Variants in ADGRL2 observed in about 807,000 individuals in gnomAD.
ADGRL2 encodes the protein calcium-independent alpha-latrotoxin receptor 2.
Under a neutral mutation model 157.4 loss-of-function variants are expected in ADGRL2, and 44 were observed. The observed-to-expected ratio is 0.28, with a 90% confidence interval of 0.22 to 0.36. The LOEUF is 0.36. Among genes scored for constraint, ADGRL2 ranks in the 10% least tolerant of loss-of-function variants. The probability of loss-of-function intolerance (pLI) is 1.00; values close to 1 mark genes in which losing one functional copy is unlikely to be tolerated. For missense variants in ADGRL2, 1,510 were observed against 1,768.9 expected (o/e 0.85, Z 2.63); for synonymous variants, 585 against 624.7 (o/e 0.94, Z 0.95).
Position 81,979,970 on chromosome 1 carries a change from T to C in ADGRL2, c.3113+10T>C, listed in dbSNP as rs775295942. 4 of 1,504,206 alleles carry C rather than the reference T, an allele frequency of 2.7e-6. No homozygotes were observed. The highest frequency in any genetic ancestry group is 3.7e-6 in the Non-Finnish European group (4 of 1,082,262). The allele number at this position is 1,504,206 out of a possible 1,614,324, so 93.2% of individuals were successfully genotyped here. A position where few individuals can be genotyped will look rare whatever the true frequency, so the allele number is the denominator to read the frequency against. On this transcript the variant is annotated intron_variant, in intron 18 of 23. Transcript: ENST00000686636. ...GGTTGGAAAACATTAAGTAAGTATTTTGTATTTTAATTTTAATACTTGACA... is the reference window on the plus strand; with the variant it reads ...GGTTGGAAAACATTAAGTAAGTATTCTGTATTTTAATTTTAATACTTGACA...
intron 3 of ADGRL2, among the ~76,000 whole-genome samples, chr1:81,621,486 G>A (rs1035123558): frequency 3.3e-5 from 5 of 152,214 alleles, no homozygotes; most frequent in African/African-American, 7.2e-5. Context: ...AAAGAGAGGA[G>A]TGCCAAGGAA....
At chr1:81,961,924 G>C (rs761678941) in intron 11 of ADGRL2, among the ~76,000 whole-genome samples, 18 of 152,286 alleles carry the variant, frequency 1.2e-4, no homozygotes, top group Middle Eastern at 3.4e-3. Flanking sequence ...ACTGCTGATA[G>C]ACATTTTAGT....
intron 6 of ADGRL2, among the ~76,000 whole-genome samples, chr1:81,947,849 T>G (rs896890054): frequency 6.6e-6 from 1 of 152,196 alleles, no homozygotes; most frequent in African/African-American, 2.4e-5. Context: ...CATGTTTATT[T>G]TCATGATATC....
At chr1:81,706,752 T>A (rs1414706570) in intron 1 of ADGRL2, among the ~76,000 whole-genome samples, 4 of 149,830 alleles carry the variant, frequency 2.7e-5, no homozygotes, top group African/African-American at 9.8e-5. Flanking sequence ...GGGTGGAGAG[T>A]TTCTGGAAGC....
At chr1:81,976,992 T>G (rs1209333097) in intron 17 of ADGRL2, among the ~76,000 whole-genome samples, 1 of 151,932 alleles carries the variant, frequency 6.6e-6, no homozygotes, top group South Asian at 2.1e-4. Context: ...AAATATAGAC[T>G]TAGTATATCT....
intron 1 of ADGRL2, among the ~76,000 whole-genome samples, chr1:81,390,740 C>T (rs1259678214): frequency 1.3e-5 from 2 of 152,304 alleles, no homozygotes; most frequent in Admixed American, 6.5e-5. Flanking sequence ...TGTATCAGTA[C>T]ATATTGATCT....
At chr1:81,793,155 C>T (rs2087429555) in intron 2 of ADGRL2, among the ~76,000 whole-genome samples, 1 of 152,048 alleles carries the variant, frequency 6.6e-6, no homozygotes, top group African/African-American at 2.4e-5. Context: ...TTAGACTCCA[C>T]TGAAATTCAA....
intron 1 of ADGRL2, among the ~76,000 whole-genome samples, chr1:81,347,936 G>T (rs935418890): frequency 5.3e-5 from 8 of 152,176 alleles, no homozygotes; most frequent in African/African-American, 1.4e-4. Context: ...ATTCAGCTGG[G>T]AATGTGCATT....
rs979375801 is a variant in ADGRL2, at chr1:81,571,353, T to C, written c.-247-9523T>C. On this transcript the variant is annotated intron_variant, in intron 2 of 24. Coordinates refer to the ADGRL2 transcript ENST00000370721. ...ACAAATACAAATATATATATACATATATATATATAATATATATTTGTATAT... is the reference window on the plus strand; with the variant it reads ...ACAAATACAAATATATATATACATACATATATATAATATATATTTGTATAT... Among the ~76,000 whole-genome samples, 561 of 147,414 alleles carry C rather than the reference T, an allele frequency of 3.8e-3. 7 individuals are homozygous for C. Among genetic ancestry groups the C allele is most frequent in the African/African-American group, 0.013 (518 of 40,554 alleles).
chr1:81,612,478 C>T (rs60965140), intron 3 of ADGRL2, among the ~76,000 whole-genome samples: 4,245 of 152,230 alleles, frequency 0.028, 190 homozygotes, highest in African/African-American at 0.097. Flanking sequence ...CAAAAATAAA[C>T]AATATTCTAT....
intron 3 of ADGRL2, among the ~76,000 whole-genome samples, chr1:81,592,935 T>A (rs1317450183): frequency 6.6e-6 from 1 of 152,128 alleles, no homozygotes; most frequent in Non-Finnish European, 1.5e-5. Context: ...TAGCTGGGTA[T>A]GGGTACTTTC....
intron 1 of ADGRL2, among the ~76,000 whole-genome samples, chr1:81,737,442 A>T (rs2149207780): frequency 6.6e-6 from 1 of 152,276 alleles, no homozygotes; most frequent in South Asian, 2.1e-4. Flanking sequence ...CACCATCATA[A>T]GAATAACAAG....
At chr1:81,383,267 C>T (rs1321092861) in intron 1 of ADGRL2, among the ~76,000 whole-genome samples, 2 of 152,104 alleles carry the variant, frequency 1.3e-5, no homozygotes, top group East Asian at 1.9e-4. Context: ...AAGTGATAGA[C>T]CTGAGCTGGT....
intron 2 of ADGRL2, among the ~76,000 whole-genome samples, chr1:81,878,238 ATATC>A (rs1329307816): frequency 3.9e-5 from 6 of 152,104 alleles, no homozygotes; most frequent in Non-Finnish European, 8.8e-5. Flanking sequence ...TTCCCTTAAC[ATATC>A]TAACATGAGG....
At chr1:81,427,376 C>T (rs1197191451) in intron 1 of ADGRL2, 3 of 735,886 alleles carry the variant, frequency 4.1e-6, no homozygotes, top group Non-Finnish European at 5.0e-6. Flanking sequence ...ATATGGAAAC[C>T]AAGGTGGTAG....
At chr1:81,982,419 T>TA (rs1194968379) in intron 19 of ADGRL2, among the ~76,000 whole-genome samples, 2 of 151,954 alleles carry the variant, frequency 1.3e-5, no homozygotes, top group Non-Finnish European at 2.9e-5. Context: ...TTGAAGGATC[T>TA]AAAAATCAAT....
chr1:81,486,837 G>A (rs2078513851), intron 2 of ADGRL2, among the ~76,000 whole-genome samples: 2 of 152,036 alleles, frequency 1.3e-5, no homozygotes, highest in South Asian at 4.1e-4. Context: ...GATTCATCAG[G>A]TAAAAAAATA....
chr1:81,716,965 G>A (rs1033185812), intron 1 of ADGRL2, among the ~76,000 whole-genome samples: 1 of 152,118 alleles, frequency 6.6e-6, no homozygotes, highest in African/African-American at 2.4e-5. Flanking sequence ...AATAATAACA[G>A]ACTTATTTCA....
At chr1:81,822,666 C>G (rs1469114774) in intron 1 of ADGRL2, among the ~76,000 whole-genome samples, 1 of 152,002 alleles carries the variant, frequency 6.6e-6, no homozygotes, top group Non-Finnish European at 1.5e-5. Context: ...GCCTGCGCCA[C>G]CACACTTTGT....
Sources: gnomAD v4.1 joint callset for allele counts (sites outside exome capture counted in the v4.1 genomes callset) on GRCh38, gnomAD v4.1.1 for gene constraint, MANE v1.5 for transcripts, NCBI Gene and HGNC (gene_info 2026-07-23, HGNC 2026-07-21) for gene names.